The following PARD6G variants were observed in gnomAD, a reference collection of about 807,000 sequenced individuals.
The protein encoded by PARD6G is par-6 family cell polarity regulator gamma, also known as partitioning defective 6 homolog gamma.
Under a neutral mutation model 10.7 loss-of-function variants are expected in PARD6G, and 7 were observed. That is an observed-to-expected ratio of 0.66 (90% confidence interval 0.37 to 1.23). PARD6G has a LOEUF of 1.23. PARD6G is among the 50% of genes most tolerant of loss of function. The pLI, the probability that PARD6G is intolerant of heterozygous loss-of-function variation, is 0.02. For synonymous variants in PARD6G, 287 were observed against 269.4 expected (o/e 1.07, Z -0.64); for missense variants, 548 against 571.8 (o/e 0.96, Z 0.42).
In PARD6G at chr18:80,160,530, T is replaced by C. The variant is rs1242584893; in HGVS notation, c.372A>G (p.Glu124=). The change falls in exon 3 of 3, where the codon GAA becomes GAG. Residue 124 remains glutamate (E), a synonymous_variant. Transcript: ENST00000353265. ...RRRALGALRD[E]GPRRRAHLDI... ...CCAGGTGTGCACGCCGCCGGGGTCC[T>C]TCATCACGCAGCGCGCCCAGCGCCC... The C allele has an allele frequency of 6.6e-7, 1 of 1,511,414 alleles. No individual in the cohort carries two copies. The highest frequency in any genetic ancestry group is 2.4e-5 in the East Asian group (1 of 42,510). 93.6% of individuals were successfully genotyped at this position (1,511,414 alleles called of 1,614,324 possible).
At chr18:80,233,726 C>T (rs1322298658) in intron 1 of PARD6G, among the ~76,000 whole-genome samples, 1 of 152,196 alleles carries the variant, frequency 6.6e-6, no homozygotes, top group Non-Finnish European at 1.5e-5. Flanking sequence ...CACCCGCACC[C>T]AGGTCCCCAG....
At position 80,200,635 on chromosome 18, in the gene PARD6G, G is replaced by A. The variant is rs1215648782; in HGVS notation, c.295+2075C>T. 1.3e-5 allele frequency among the ~76,000 whole-genome samples: 2 copies of A among 152,148 alleles called. No individual in the cohort carries two copies. Among genetic ancestry groups the A allele is most frequent in the African/African-American group, 2.4e-5 (1 of 41,426 alleles). On this transcript the variant is annotated intron_variant, in intron 2 of 2. Transcript: ENST00000353265. The surrounding 1 kb of genome is among the most constrained non-coding windows in gnomAD (Gnocchi z 4.4). The stretch of plus-strand genomic sequence containing the variant: ...GGCGACACGCTCACGCTATAACCAC[G>A]AGAGACTGAGAAACCCTGAGCCAGC...
In PARD6G at chr18:80,247,306, C is replaced by T. The variant is rs199916095; in HGVS notation, c.43G>A (p.Asp15Asn). The part of the protein sequence containing the change: ...FHKSQTLRFY[D>N]CSAVEVKSKF... ...CTCTTGACTTCCACTGCGCTGCAAT[C>T]GTAGAATCGCAAGGTCTGAGACTTG... Residue 15 changes from aspartate to asparagine, a missense_variant, in exon 1 of 3, where the codon GAT becomes AAT. Physicochemically the swap from Asp to Asn is conservative, Grantham distance 23. Transcript: ENST00000353265. The surrounding 1 kb of genome is among the most constrained non-coding windows in gnomAD (Gnocchi z 4.2). The T allele has an allele frequency of 2.5e-5, 40 of 1,584,812 alleles. No individual in the cohort carries two copies. Among genetic ancestry groups the T allele is most frequent in the Non-Finnish European group, 3.2e-5 (37 of 1,166,532 alleles).
rs1178291548 is a variant in PARD6G at position 80,180,365 on chromosome 18, C to A, written c.296-19759G>T. Reference sequence around the variant, plus strand: ...GGTGAGGACACGCAGCTGGGAGGGGCGCAGCCGGCAGCACCTGGGAATGCA... The same window carrying A: ...GGTGAGGACACGCAGCTGGGAGGGGAGCAGCCGGCAGCACCTGGGAATGCA... On this transcript the variant is annotated intron_variant, in intron 2 of 2. Coordinates refer to ENST00000353265, the MANE Select transcript of PARD6G (RefSeq NM_032510.4). This position sits in a 1 kb window ranked among gnomAD's most constrained non-coding sequence, Gnocchi z 5.6. Among the ~76,000 whole-genome samples, 9 of 152,138 alleles carry A rather than the reference C, an allele frequency of 5.9e-5. No homozygotes were observed. The highest frequency in any genetic ancestry group is 8.8e-5 in the Non-Finnish European group (6 of 67,994).
chr18:80,224,651 A>G (rs139852442), intron 1 of PARD6G, among the ~76,000 whole-genome samples: 1 of 152,268 alleles, frequency 6.6e-6, no homozygotes, highest in Non-Finnish European at 1.5e-5. Context: ...TTCAAGACCA[A>G]CCTGGCTAAC....
intron 2 of PARD6G, among the ~76,000 whole-genome samples, chr18:80,191,491 AT>A (rs1364417469): frequency 6.6e-6 from 1 of 152,152 alleles, no homozygotes; most frequent in Non-Finnish European, 1.5e-5. Context: ...AGGAGCCCCC[AT>A]GTGTGTCCCT....
At chr18:80,230,362 C>T (rs986985472) in intron 1 of PARD6G, among the ~76,000 whole-genome samples, 7 of 152,202 alleles carry the variant, frequency 4.6e-5, no homozygotes, top group African/African-American at 7.2e-5. Context: ...GAAATACAGG[C>T]GGTCATCCTA....
In PARD6G at chr18:80,160,161, G is replaced by A. The variant is rs757784398; in HGVS notation, c.741C>T (p.Val247=). The A allele has an allele frequency of 6.2e-7, 1 of 1,613,442 alleles. No individual in the cohort carries two copies. Among genetic ancestry groups the A allele is most frequent in the Admixed American group, 1.7e-5 (1 of 60,016 alleles). Residue 247 remains valine (V), a synonymous_variant, in exon 3 of 3, where the codon GTC becomes GTT. Coordinates refer to ENST00000353265, the MANE Select transcript of PARD6G (RefSeq NM_032510.4). ...IANSHNLIVT[V]KPANQRNNVV... ...CGTTGTTGCGCTGGTTGGCGGGCTTGACGGTGACGATGAGGTTGTGGCTGT... is the reference window on the plus strand; with the variant it reads ...CGTTGTTGCGCTGGTTGGCGGGCTTAACGGTGACGATGAGGTTGTGGCTGT...
At chr18:80,220,146 A>G (rs762048837) in intron 1 of PARD6G, among the ~76,000 whole-genome samples, 14 of 152,266 alleles carry the variant, frequency 9.2e-5, no homozygotes, top group Admixed American at 9.2e-4. Flanking sequence ...GGGGAAGCAA[A>G]CATGTCCTTC....
chr18:80,242,869 G>T lies in PARD6G; in HGVS notation c.72+4408C>A, dbSNP rs1423494337. Among the ~76,000 whole-genome samples, 3 of 152,330 alleles carry T rather than the reference G, an allele frequency of 2.0e-5. No homozygotes were observed. In the East Asian group the frequency reaches 5.8e-4, roughly 29 times the overall value. Reference sequence around the variant, plus strand: ...CCATTTCACTCATCTAATTGGGAAAGAATGAGAAAATGCCCAGCGCTAGAA... The same window carrying T: ...CCATTTCACTCATCTAATTGGGAAATAATGAGAAAATGCCCAGCGCTAGAA... On this transcript the variant is annotated intron_variant, in intron 1 of 2. Transcript: ENST00000353265.
chr18:80,232,672 G>A (rs1035410708), intron 1 of PARD6G, among the ~76,000 whole-genome samples: 6 of 152,042 alleles, frequency 3.9e-5, no homozygotes, highest in South Asian at 2.1e-4. Context: ...TACAATTCAA[G>A]ATGAGATTTG....
intron 2 of PARD6G, among the ~76,000 whole-genome samples, chr18:80,165,564 A>AAGTAC (rs1301898118): frequency 6.6e-6 from 1 of 151,530 alleles, no homozygotes; most frequent in African/African-American, 2.4e-5. Flanking sequence ...TAAGAGATTA[A>AAGTAC]AGACAGGCAT....
At position 80,161,100 on chromosome 18, in the gene PARD6G, T is replaced by G. The variant is rs2052698194; in HGVS notation, c.296-494A>C. Among the ~76,000 whole-genome samples, 1 of 152,194 alleles carries G rather than the reference T, an allele frequency of 6.6e-6. No homozygotes were observed. On this transcript the variant is annotated intron_variant, in intron 2 of 2. Coordinates refer to ENST00000353265, the MANE Select transcript of PARD6G (RefSeq NM_032510.4). The surrounding 1 kb of genome is among the most constrained non-coding windows in gnomAD (Gnocchi z 4.6). ...TATGCGCAAGCCCCACCACAGTGTC[T>G]TCTAGCCAGCATTCAAGGCCCCTGA...
chr18:80,196,693 C>T lies in PARD6G; in HGVS notation c.295+6017G>A, dbSNP rs543742926. On this transcript the variant is annotated intron_variant, in intron 2 of 2. Coordinates refer to ENST00000353265, the MANE Select transcript of PARD6G (RefSeq NM_032510.4). The stretch of plus-strand genomic sequence containing the variant: ...GCGGCTGCTCACAGCGCCTGCAGGG[C>T]TCGGCTTCATGTGGGCGCCCTGGAG... Among the ~76,000 whole-genome samples, 3 of 152,246 alleles carry T rather than the reference C, an allele frequency of 2.0e-5. No homozygotes were observed. In the South Asian group the frequency reaches 6.2e-4, roughly 32 times the overall value.
chr18:80,228,015 T>C lies in PARD6G; in HGVS notation c.72+19262A>G, dbSNP rs28623560. Among the ~76,000 whole-genome samples the C allele has an allele frequency of 0.026, 3,886 of 152,284 alleles. 160 individuals are homozygous for C. Among genetic ancestry groups the C allele is most frequent in the African/African-American group, 0.089 (3,691 of 41,540 alleles). On this transcript the variant is annotated intron_variant, in intron 1 of 2. Coordinates refer to ENST00000353265, the MANE Select transcript of PARD6G (RefSeq NM_032510.4). This position sits in a 1 kb window ranked among gnomAD's most constrained non-coding sequence, Gnocchi z 4.6. ...GAAACTTACTCATTGAACCCGTATTTTCCTGTGCTGGGCTGAACGGTGAAA... is the reference window on the plus strand; with the variant it reads ...GAAACTTACTCATTGAACCCGTATTCTCCTGTGCTGGGCTGAACGGTGAAA...
chr18:80,205,056 G>T (rs893862113), intron 1 of PARD6G, among the ~76,000 whole-genome samples: 2 of 152,234 alleles, frequency 1.3e-5, no homozygotes, highest in South Asian at 4.1e-4. Flanking sequence ...GAAGAAGTGG[G>T]ACCCCAGAAC....
At chr18:80,167,208 TG>T (rs1345339543) in intron 2 of PARD6G, among the ~76,000 whole-genome samples, 1 of 151,264 alleles carries the variant, frequency 6.6e-6, no homozygotes, top group Non-Finnish European at 1.5e-5. Context: ...GGATAACACG[TG>T]GGCAGTGTTG....
chr18:80,160,729 C>T, intron 2 of PARD6G, 123 bp from the exon 3 acceptor site: 1 of 1,357,404 alleles, frequency 7.4e-7, no homozygotes, highest in Non-Finnish European at 9.5e-7. Context: ...TGCACAGGAG[C>T]ATTCCAGACC....
intron 1 of PARD6G, among the ~76,000 whole-genome samples, chr18:80,205,728 T>A (rs1449770909): frequency 1.3e-5 from 2 of 152,222 alleles, no homozygotes; most frequent in East Asian, 3.8e-4. Context: ...CTGTGCAGCC[T>A]GTGGAACCGT....
Sources: allele counts gnomAD v4.1 joint callset (sites outside exome capture counted in the v4.1 genomes callset), GRCh38; gene constraint gnomAD v4.1.1; non-coding constraint Gnocchi (gnomAD v3.1); transcripts MANE v1.5; gene names NCBI Gene and HGNC (gene_info 2026-07-23, HGNC 2026-07-21).